The following EHBP1 variants were observed in gnomAD, a reference collection of about 807,000 sequenced individuals.
The protein encoded by EHBP1 is EH domain binding protein 1.
EHBP1 carries 55 observed loss-of-function variants against 144.0 expected under a neutral mutation model. The observed-to-expected ratio is 0.38, with a 90% CI of 0.31 to 0.48. The LOEUF (loss-of-function observed/expected upper bound fraction) is 0.48, where lower values mean the gene tolerates loss of function less well. Among genes scored for constraint, EHBP1 ranks in the 20% least tolerant of loss-of-function variants. EHBP1 has a pLI of 0.98. For synonymous variants in EHBP1, 469 were observed against 472.7 expected (o/e 0.99, Z 0.10); for missense variants, 1,200 against 1,364.2 (o/e 0.88, Z 1.90).
At chr2:62,877,534 C>A (rs2050996623) in intron 10 of EHBP1, among the ~76,000 whole-genome samples, 1 of 152,214 alleles carries the variant, frequency 6.6e-6, no homozygotes, top group African/African-American at 2.4e-5. Context: ...TGACCAACAA[C>A]AGAATGTACA....
chr2:62,951,620 G>C (rs2057398603), intron 13 of EHBP1, among the ~76,000 whole-genome samples: 1 of 150,830 alleles, frequency 6.6e-6, no homozygotes, highest in Non-Finnish European at 1.5e-5. Context: ...CTCCTCCCGG[G>C]TTCAAGTGAT....
chr2:62,766,699 A>G (rs1416506200), intron 4 of EHBP1, among the ~76,000 whole-genome samples: 1 of 152,072 alleles, frequency 6.6e-6, no homozygotes, highest in Non-Finnish European at 1.5e-5. Flanking sequence ...AATCTTATAT[A>G]ATCCCACCCA....
intron 5 of EHBP1, among the ~76,000 whole-genome samples, chr2:62,776,471 A>C (rs1387851678): frequency 6.6e-6 from 1 of 152,216 alleles, no homozygotes; most frequent in African/African-American, 2.4e-5. Flanking sequence ...TTTCTAGAGG[A>C]CACAGAAGAA....
At chr2:62,860,350 G>A (rs2049406133) in intron 8 of EHBP1, among the ~76,000 whole-genome samples, 1 of 152,116 alleles carries the variant, frequency 6.6e-6, no homozygotes, top group Admixed American at 6.6e-5. Context: ...AGTTAGCTGA[G>A]CATGGTGGTG....
At chr2:63,020,140 A>G (rs1414697693) in intron 19 of EHBP1, among the ~76,000 whole-genome samples, 1 of 151,980 alleles carries the variant, frequency 6.6e-6, no homozygotes, top group Non-Finnish European at 1.5e-5. Context: ...CGTGGTCAAC[A>G]TGGTGAAGCC....
intron 14 of EHBP1, among the ~76,000 whole-genome samples, chr2:62,957,318 T>G (rs1193034249): frequency 6.6e-6 from 1 of 152,162 alleles, no homozygotes; most frequent in African/African-American, 2.4e-5. Flanking sequence ...ATCACATTTC[T>G]TAGCCTCTAG....
At chr2:62,684,908 C>A (rs1314180904) in intron 1 of EHBP1, among the ~76,000 whole-genome samples, 2 of 152,168 alleles carry the variant, frequency 1.3e-5, no homozygotes, top group Non-Finnish European at 2.9e-5. Context: ...TTTGTTGTCT[C>A]ACAGCTCTGG....
chr2:62,859,118 A>G (rs1161869621), intron 7 of EHBP1, 51 bp from the exon 8 acceptor site: 2 of 1,516,460 alleles, frequency 1.3e-6, no homozygotes, highest in Non-Finnish European at 1.8e-6. Context: ...ACGAATGTTC[A>G]ATACTTACAC....
At chr2:62,955,773 G>C (rs1219669347) in intron 14 of EHBP1, 113 bp downstream of exon 14, 15 of 1,154,294 alleles carry the variant, frequency 1.3e-5, no homozygotes, top group Middle Eastern at 4.1e-4. Context: ...TGTACATTGT[G>C]AATACTTGGT....
chr2:62,675,541 G>A (rs531858972), intron 1 of EHBP1, among the ~76,000 whole-genome samples: 26 of 152,244 alleles, frequency 1.7e-4, no homozygotes, highest in African/African-American at 5.5e-4. Flanking sequence ...TTTGAGGAGA[G>A]CCAAATAGTG....
At chr2:62,930,595 G>A (rs1406217348) in intron 10 of EHBP1, among the ~76,000 whole-genome samples, 1 of 152,090 alleles carries the variant, frequency 6.6e-6, no homozygotes, top group Admixed American at 6.6e-5. Context: ...AAGAACAAGA[G>A]TGGAAGACTC....
At chr2:62,693,259 CT>C (rs2151749383) in intron 1 of EHBP1, among the ~76,000 whole-genome samples, 1 of 152,212 alleles carries the variant, frequency 6.6e-6, no homozygotes, top group South Asian at 2.1e-4. Context: ...ATCCATTCAT[CT>C]GTTGACGGAC....
At chr2:62,973,525 G>A (rs2058583051) in intron 14 of EHBP1, among the ~76,000 whole-genome samples, 1 of 152,176 alleles carries the variant, frequency 6.6e-6, no homozygotes, top group African/African-American at 2.4e-5. Flanking sequence ...TCTAGCTGTG[G>A]AATGTTGTGA....
At chr2:62,796,994 G>A (rs180879464) in intron 5 of EHBP1, among the ~76,000 whole-genome samples, 2 of 152,080 alleles carry the variant, frequency 1.3e-5, no homozygotes, top group African/African-American at 2.4e-5. Context: ...CCTAGCTCCC[G>A]TGAAACTTTG....
chr2:62,847,306 T>C (rs1056935762), intron 7 of EHBP1, among the ~76,000 whole-genome samples: 4 of 152,194 alleles, frequency 2.6e-5, no homozygotes, highest in African/African-American at 9.7e-5. Flanking sequence ...ATTAATTCAG[T>C]GTGTTCATTA....
At chr2:62,960,071 C>T (rs1186169857) in intron 14 of EHBP1, among the ~76,000 whole-genome samples, 2 of 152,038 alleles carry the variant, frequency 1.3e-5, no homozygotes, top group Non-Finnish European at 2.9e-5. Flanking sequence ...AAGGAAAGGT[C>T]TACTTGTAAG....
intron 19 of EHBP1, among the ~76,000 whole-genome samples, chr2:63,011,957 T>G (rs1045088152): frequency 6.6e-6 from 1 of 151,940 alleles, no homozygotes; most frequent in Non-Finnish European, 1.5e-5. Context: ...ATATTAAGCT[T>G]TGTTAGTCAA....
rs2034654307 is a variant in EHBP1, at chr2:62,706,965, C to T, written c.-227C>T. The T allele has an allele frequency of 2.1e-6, 1 of 486,164 alleles. No homozygotes were observed. The highest frequency in any genetic ancestry group is 3.7e-6 in the Non-Finnish European group (1 of 266,884). The allele number at this position is 486,164 out of a possible 1,614,324, so 30.1% of individuals were successfully genotyped here. A position where few individuals can be genotyped will look rare whatever the true frequency, so the allele number is the denominator to read the frequency against. ...ATGTCTCCATGAGGGAACCCCTTCC[C>T]ACTCATCCTGTCACGTATATCATAG... is the stretch of plus-strand genomic sequence containing the variant. On this transcript the variant is annotated 5_prime_UTR_variant, in exon 2 of 23. Transcript: ENST00000431489.
chr2:62,741,829 A>G (rs1388545344), intron 2 of EHBP1, among the ~76,000 whole-genome samples: 1 of 152,176 alleles, frequency 6.6e-6, no homozygotes, highest in Non-Finnish European at 1.5e-5. Context: ...AATATAAACA[A>G]TACAGCATAA....
Sources: gnomAD v4.1 joint callset for allele counts (sites outside exome capture counted in the v4.1 genomes callset) on GRCh38, gnomAD v4.1.1 for gene constraint, MANE v1.5 for transcripts, NCBI Gene and HGNC (gene_info 2026-07-23, HGNC 2026-07-21) for gene names.